ZMAT4: variants seen among roughly 807,000 people sequenced by gnomAD.
ZMAT4 encodes zinc finger matrin-type protein 4.
Under a neutral mutation model 28.7 loss-of-function variants are expected in ZMAT4, and 17 were observed. The observed-to-expected ratio is 0.59, with a 90% confidence interval of 0.41 to 0.89. The LOEUF (loss-of-function observed/expected upper bound fraction) is 0.89. ZMAT4 is among the 40% of genes least tolerant of loss of function. ZMAT4 has a pLI of 0.00. For synonymous variants in ZMAT4, 117 were observed against 109.2 expected, an observed-to-expected ratio of 1.07 and a Z score of -0.44; for missense variants, 240 against 283.8, an observed-to-expected ratio of 0.85 and a Z score of 1.11.
At chr8:40,845,732 G>T (rs146324328) in intron 1 of ZMAT4, among the ~76,000 whole-genome samples, 1 of 145,476 alleles carries the variant, frequency 6.9e-6, no homozygotes, top group African/African-American at 2.6e-5. Flanking sequence ...TTAGAAGCCT[G>T]CTATGAAATG....
intron 3 of ZMAT4, among the ~76,000 whole-genome samples, chr8:40,708,257 A>G (rs1391882975): frequency 6.6e-6 from 1 of 152,202 alleles, no homozygotes; most frequent in Non-Finnish European, 1.5e-5. Context: ...CCTGTGTGAG[A>G]ACAGCAGCTG....
At chr8:40,608,581 T>A (rs1325547212) in intron 5 of ZMAT4, among the ~76,000 whole-genome samples, 1 of 152,106 alleles carries the variant, frequency 6.6e-6, no homozygotes, top group Non-Finnish European at 1.5e-5. Flanking sequence ...CTTTGCTCCA[T>A]CCCCCAGATT....
At chr8:40,711,073 C>T (rs924795457) in intron 3 of ZMAT4, among the ~76,000 whole-genome samples, 5 of 152,128 alleles carry the variant, frequency 3.3e-5, no homozygotes, top group Non-Finnish European at 7.4e-5. Context: ...CATGAGCCAC[C>T]GTGTGCGGCC....
chr8:40,591,671 T>G (rs1804898526), intron 5 of ZMAT4, among the ~76,000 whole-genome samples: 2 of 152,186 alleles, frequency 1.3e-5, no homozygotes, highest in South Asian at 4.1e-4. Flanking sequence ...GGTCTAATCC[T>G]TATCATAAAG....
chr8:40,601,632 AAG>A (rs748838235), intron 5 of ZMAT4, among the ~76,000 whole-genome samples: 50,131 of 84,256 alleles, frequency 0.59, 15,228 homozygotes, highest in Non-Finnish European at 0.67. Context: ...GAAAGAAAGA[AAG>A]AGAAAGAAAG....
chr8:40,533,645 G>T (rs1192758150), intron 6 of ZMAT4, among the ~76,000 whole-genome samples: 1 of 152,110 alleles, frequency 6.6e-6, no homozygotes, highest in Non-Finnish European at 1.5e-5. Flanking sequence ...ATATTCTTAG[G>T]ATCTGAATAA....
chr8:40,761,069 CA>C (rs1161625151), intron 3 of ZMAT4, among the ~76,000 whole-genome samples: 1 of 150,836 alleles, frequency 6.6e-6, no homozygotes, highest in African/African-American at 2.4e-5. Flanking sequence ...GGCAGTGGGG[CA>C]GGGGGGGATA....
intron 5 of ZMAT4, among the ~76,000 whole-genome samples, chr8:40,657,203 A>G (rs1019024659): frequency 6.6e-6 from 1 of 152,056 alleles, no homozygotes; most frequent in African/African-American, 2.4e-5. Flanking sequence ...TAAAAATCGT[A>G]TGTATTTTAA....
chr8:40,859,734 C>T (rs934799489), intron 1 of ZMAT4, among the ~76,000 whole-genome samples: 1 of 152,026 alleles, frequency 6.6e-6, no homozygotes, highest in Non-Finnish European at 1.5e-5. Flanking sequence ...TGCAGTATAA[C>T]CAAGCTTCTA....
At chr8:40,554,242 C>G (rs1464108881) in intron 6 of ZMAT4, among the ~76,000 whole-genome samples, 1 of 152,028 alleles carries the variant, frequency 6.6e-6, no homozygotes, top group Non-Finnish European at 1.5e-5. Context: ...TCAAATACAA[C>G]CTCAATCAAA....
At chr8:40,787,944 G>A (rs1274031687) in intron 2 of ZMAT4, among the ~76,000 whole-genome samples, 4 of 152,116 alleles carry the variant, frequency 2.6e-5, no homozygotes. Flanking sequence ...CTATGGATAA[G>A]GAGGACTACT....
At chr8:40,550,673 T>C (rs902422083) in intron 6 of ZMAT4, among the ~76,000 whole-genome samples, 16 of 152,178 alleles carry the variant, frequency 1.1e-4, no homozygotes, top group African/African-American at 3.9e-4. Flanking sequence ...GCATTTCCCC[T>C]GCTTGGGGTC....
chr8:40,766,910 G>A (rs986431660), intron 3 of ZMAT4, among the ~76,000 whole-genome samples: 1 of 152,218 alleles, frequency 6.6e-6, no homozygotes, highest in Non-Finnish European at 1.5e-5. Context: ...TACGCCTGCA[G>A]CCTCCTCTTA....
intron 5 of ZMAT4, among the ~76,000 whole-genome samples, chr8:40,602,506 C>A (rs1036504920): frequency 1.3e-5 from 2 of 152,128 alleles, no homozygotes; most frequent in South Asian, 2.1e-4. Flanking sequence ...AAAAGTGTTC[C>A]CTTTTCACCA....
Position 40,664,839 on chromosome 8 carries a change from TTTGA to T in ZMAT4, c.577+9861_577+9864del, listed in dbSNP as rs142541814. Among the ~76,000 whole-genome samples, 12 of 152,320 alleles carry T rather than the reference TTTGA, an allele frequency of 7.9e-5. No individual in the cohort carries two copies. The East Asian group carries it at 2.3e-3, about 29-fold the overall frequency. Reference sequence around the variant, plus strand: ...TGATATTTACCTAGAATGTCTTTCCTTTGATTGGTCTTGGAGCAGACCCACAGCC... The same window carrying T: ...TGATATTTACCTAGAATGTCTTTCCTTTGGTCTTGGAGCAGACCCACAGCC... On this transcript the variant is annotated intron_variant, in intron 5 of 6. Coordinates refer to ENST00000297737, the MANE Select transcript of ZMAT4 (RefSeq NM_024645.3).
chr8:40,786,665 C>G, intron 2 of ZMAT4: 2 of 1,282,190 alleles, frequency 1.6e-6, no homozygotes, highest in Non-Finnish European at 2.0e-6. Flanking sequence ...CATCCTCATT[C>G]AGTCCTTGTG....
At chr8:40,722,923 G>C (rs1055796754) in intron 3 of ZMAT4, among the ~76,000 whole-genome samples, 1 of 152,242 alleles carries the variant, frequency 6.6e-6, no homozygotes, top group South Asian at 2.1e-4. Context: ...CACAAGAATG[G>C]CTCATGTACA....
chr8:40,744,407 C>G (rs1812135294), intron 3 of ZMAT4, among the ~76,000 whole-genome samples: 1 of 152,128 alleles, frequency 6.6e-6, no homozygotes, highest in Non-Finnish European at 1.5e-5. Flanking sequence ...CGCTGGCTTC[C>G]TTTTATATTT....
chr8:40,616,077 G>T (rs551730172), intron 5 of ZMAT4, among the ~76,000 whole-genome samples: 6 of 152,206 alleles, frequency 3.9e-5, no homozygotes, highest in East Asian at 1.9e-4. Flanking sequence ...GTGGGCAAAG[G>T]ATATGAACAG....
Sources: allele counts gnomAD v4.1 joint callset (sites outside exome capture counted in the v4.1 genomes callset), GRCh38; gene constraint gnomAD v4.1.1; transcripts MANE v1.5; gene names NCBI Gene and HGNC (gene_info 2026-07-23, HGNC 2026-07-21).